SORL1: variants seen among roughly 807,000 people sequenced by gnomAD.
SORL1 encodes the protein sortilin-related receptor.
SORL1 carries 127 observed loss-of-function variants against 273.7 expected under a neutral mutation model. The ratio of observed to expected loss-of-function variants is 0.46; its 90% CI spans 0.40 to 0.54. SORL1 has a LOEUF of 0.54. Ranked by LOEUF, SORL1 falls within the 20% of genes least tolerant of loss-of-function variation. The probability of loss-of-function intolerance (pLI) is 0.00; values close to 1 mark genes in which losing one functional copy is unlikely to be tolerated. For missense variants in SORL1, 2,494 were observed against 2,846.1 expected, an observed-to-expected ratio of 0.88 and a Z score of 2.81; for synonymous variants, 1,031 against 1,067.4, an observed-to-expected ratio of 0.97 and a Z score of 0.66.
chr11:121,498,732 C>T (rs986137259), intron 6 of SORL1, among the ~76,000 whole-genome samples: 1 of 152,176 alleles, frequency 6.6e-6, no homozygotes, highest in African/African-American at 2.4e-5. Flanking sequence ...AAAAATTAGT[C>T]TGGTGTGGTG....
rs773169953 is a variant in SORL1 at position 121,496,939 on chromosome 11, G to C, written c.829G>C (p.Val277Leu). Residue 277 changes from valine (V) to leucine (L), a missense_variant, in exon 6 of 48, where the codon GTC (valine) becomes CTC (leucine). By Grantham distance (32) the Val-to-Leu change is conservative. Around this residue, in one of 3 missense-constraint regions of SORL1, gnomAD observed 710 missense variants for 882.5 expected, o/e 0.80. Transcript: ENST00000260197. ...ERHEPSGYST[V>L]FRSTDFFQSR... is the part of the protein sequence containing the mutation. ...ACATGAACCCTCTGGCTACTCCACT[G>C]TCTTCCGAAGTACAGATTTCTTCCA... is the stretch of plus-strand genomic sequence containing the variant. The C allele has an allele frequency of 1.3e-5, 21 of 1,613,378 alleles. No individual in the cohort carries two copies. The East Asian group carries it at 4.5e-4, about 34-fold the overall frequency.
At chr11:121,530,339 G>A (rs1591313818) in intron 11 of SORL1, among the ~76,000 whole-genome samples, 1 of 149,556 alleles carries the variant, frequency 6.7e-6, no homozygotes, top group East Asian at 1.9e-4. Context: ...TCTGTTGGCT[G>A]TGAATTCTCT....
At chr11:121,579,962 C>T (rs907257528) in intron 25 of SORL1, among the ~76,000 whole-genome samples, 18 of 152,102 alleles carry the variant, frequency 1.2e-4, no homozygotes, top group African/African-American at 3.6e-4. Context: ...AGTAATTTTC[C>T]GTATTTTCAT....
chr11:121,571,427 C>T (rs1294249638), intron 23 of SORL1, among the ~76,000 whole-genome samples: 1 of 152,244 alleles, frequency 6.6e-6, no homozygotes, highest in Non-Finnish European at 1.5e-5. Flanking sequence ...AGTTGGGAAC[C>T]ACTGATGTCA....
At chr11:121,479,560 A>G (rs1466655904) in intron 3 of SORL1, among the ~76,000 whole-genome samples, 3 of 152,028 alleles carry the variant, frequency 2.0e-5, no homozygotes, top group Non-Finnish European at 4.4e-5. Context: ...ATCAGAACAA[A>G]TCCTGTCTGG....
chr11:121,577,513 A>T lies in SORL1; in HGVS notation c.3580+113A>T. The T allele has an allele frequency of 2.5e-6, 3 of 1,204,556 alleles. No individual in the cohort carries two copies. The African/African-American group carries it at 4.6e-5, about 19-fold the overall frequency. The allele number at this position is 1,204,556 out of a possible 1,614,324, so 74.6% of individuals were successfully genotyped here. ...TCTGAGAATTAGCTTGGACCTTAGAAATCAGCGAGTTTCATGCTTCTCAAA... is the reference window on the plus strand; with the variant it reads ...TCTGAGAATTAGCTTGGACCTTAGATATCAGCGAGTTTCATGCTTCTCAAA... On this transcript the variant is annotated intron_variant, in intron 25 of 47. Transcript: ENST00000260197.
chr11:121,553,287 C>T (rs946835489), intron 16 of SORL1, among the ~76,000 whole-genome samples: 8 of 152,164 alleles, frequency 5.3e-5, no homozygotes, highest in East Asian at 3.9e-4. Flanking sequence ...AAACAATACC[C>T]GATACGTAGT....
intron 1 of SORL1, among the ~76,000 whole-genome samples, chr11:121,469,297 G>A (rs956441667): frequency 2.0e-5 from 3 of 152,166 alleles, no homozygotes; most frequent in African/African-American, 4.8e-5. Context: ...CAGAGTCTGC[G>A]GTGTCCTCAG....
chr11:121,473,703 C>G (rs1209210728), intron 2 of SORL1, among the ~76,000 whole-genome samples: 1 of 151,962 alleles, frequency 6.6e-6, no homozygotes, highest in East Asian at 1.9e-4. Flanking sequence ...AAGACCAGCC[C>G]GGCCAACATG....
intron 23 of SORL1, among the ~76,000 whole-genome samples, chr11:121,571,311 TG>T (rs1313885945): frequency 2.0e-5 from 3 of 152,144 alleles, no homozygotes; most frequent in African/African-American, 7.2e-5. Context: ...GCCAGGAAAC[TG>T]GTTTGAGTTA....
intron 38 of SORL1, chr11:121,608,415 A>G: frequency 2.1e-6 from 1 of 484,452 alleles, no homozygotes; most frequent in East Asian, 3.4e-5. Flanking sequence ...AGACATACAA[A>G]GGGATTTCCA....
rs1860816252 is a variant in SORL1 at position 121,452,473 on chromosome 11, T to G, written c.142T>G (p.Phe48Val). 2.0e-6 allele frequency: 3 copies of G among 1,504,748 alleles called. No individual in the cohort carries two copies. Among genetic ancestry groups the G allele is most frequent in the Non-Finnish European group, 1.8e-6 (2 of 1,127,860 alleles). 93.2% of individuals were successfully genotyped at this position (1,504,748 alleles called of 1,614,324 possible). ...GSAPLPQDRG[F>V]LVVQGDPREL... Reference sequence around the variant, plus strand: ...CGCGCCCTTGCCCCAGGACCGGGGCTTCCTCGTGGTGCAGGGCGACCCGCG... The same window carrying G: ...CGCGCCCTTGCCCCAGGACCGGGGCGTCCTCGTGGTGCAGGGCGACCCGCG... The change falls in exon 1 of 48, where the codon TTC (phenylalanine) becomes GTC (valine). Residue 48 changes from phenylalanine to valine, a missense_variant. This residue lies in a region of SORL1 where 175 missense variants were observed against 147.1 expected (regional missense o/e 1.19). Transcript: ENST00000260197. This position sits in a 1 kb window ranked among gnomAD's most constrained non-coding sequence, Gnocchi z 5.3.
rs1863886878 is a variant in SORL1 at position 121,632,268 on chromosome 11, A to C, written c.*2705A>C. On this transcript the variant is annotated 3_prime_UTR_variant, in exon 48 of 48. Transcript: ENST00000260197. ...TGAGTTTTCTCTGGAAACCGATTTTACTCCTGGATGTATTGAATGCCCCTT... is the reference window on the plus strand; with the variant it reads ...TGAGTTTTCTCTGGAAACCGATTTTCCTCCTGGATGTATTGAATGCCCCTT... 1 of 152,054 alleles carries C rather than the reference A, an allele frequency of 6.6e-6. No homozygotes were observed. Among genetic ancestry groups the C allele is most frequent in the Non-Finnish European group, 1.5e-5 (1 of 68,012 alleles). 9.4% of individuals were successfully genotyped at this position (152,054 alleles called of 1,614,324 possible).
At chr11:121,477,287 C>T (rs997188520) in intron 2 of SORL1, among the ~76,000 whole-genome samples, 3 of 152,304 alleles carry the variant, frequency 2.0e-5, no homozygotes, top group South Asian at 2.1e-4. Flanking sequence ...TCTTGGGCTA[C>T]GTGGTGGAGA....
At chr11:121,559,698 T>C in intron 21 of SORL1, 41 bp downstream of exon 21, 1 of 1,599,956 alleles carries the variant, frequency 6.3e-7, no homozygotes, top group East Asian at 2.2e-5. Context: ...AGAGTTGATC[T>C]CAAGAAAGGG....
At chr11:121,574,147 C>G in intron 23 of SORL1, 94 bp from the exon 24 acceptor site, 1 of 1,254,032 alleles carries the variant, frequency 8.0e-7, no homozygotes, top group Non-Finnish European at 1.1e-6. Flanking sequence ...TACCTGCTTT[C>G]TTCTATTTTT....
chr11:121,592,828 T>G (rs1380532588), intron 31 of SORL1, among the ~76,000 whole-genome samples: 1 of 152,268 alleles, frequency 6.6e-6, no homozygotes, highest in Non-Finnish European at 1.5e-5. Flanking sequence ...AACTTGATTA[T>G]CCTCTTCAAG....
chr11:121,513,247 G>A lies in SORL1; in HGVS notation c.1041+143G>A, dbSNP rs937681083. The A allele has an allele frequency of 4.0e-5, 27 of 676,058 alleles. No homozygotes were observed. In the African/African-American group the frequency reaches 4.2e-4, roughly 11 times the overall value. 41.9% of individuals were successfully genotyped at this position (676,058 alleles called of 1,614,324 possible). A position where few individuals can be genotyped will look rare whatever the true frequency, so the allele number is the denominator to read the frequency against. On this transcript the variant is annotated intron_variant, in intron 7 of 47. Transcript: ENST00000260197. ...TCAGGTCTCTAGAGAGTGCAGCTAT[G>A]CTTTGGGCATCGTGGTCTGTGGTTC... is the stretch of plus-strand genomic sequence containing the variant.
chr11:121,520,126 A>G (rs1056047954), intron 8 of SORL1, among the ~76,000 whole-genome samples: 9 of 152,058 alleles, frequency 5.9e-5, no homozygotes, highest in Non-Finnish European at 1.0e-4. Context: ...AGTGGCACAC[A>G]CCTGTAGTCC....
Sources: gnomAD v4.1 joint callset for allele counts (sites outside exome capture counted in the v4.1 genomes callset) on GRCh38, gnomAD v4.1.1 for gene constraint, gnomAD v4.1.1 regional missense constraint, Gnocchi (gnomAD v3.1) non-coding constraint, MANE v1.5 for transcripts, NCBI Gene and HGNC (gene_info 2026-07-23, HGNC 2026-07-21) for gene names.